Variants in TECRL observed in about 807,000 individuals in gnomAD.
TECRL encodes trans-2,3-enoyl-CoA reductase like.
Under a neutral mutation model 52.8 loss-of-function variants are expected in TECRL, and 63 were observed. That is an observed-to-expected ratio of 1.19 (90% CI 0.97 to 1.47). The LOEUF (loss-of-function observed/expected upper bound fraction) is 1.47. Among genes scored for constraint, TECRL ranks in the 40% most tolerant of loss-of-function variants. The pLI is 0.00. For synonymous variants in TECRL, 164 were observed against 141.9 expected, an observed-to-expected ratio of 1.16 and a Z score of -1.10; for missense variants, 482 against 429.6, an observed-to-expected ratio of 1.12 and a Z score of -1.08.
At chr4:64,290,131 TCA>T (rs1487254339) in intron 8 of TECRL, among the ~76,000 whole-genome samples, 1 of 152,210 alleles carries the variant, frequency 6.6e-6, no homozygotes, top group Non-Finnish European at 1.5e-5. Context: ...CGTATTAATC[TCA>T]GTTCATTAAC....
chr4:64,312,955 C>T (rs1473656423), intron 5 of TECRL, among the ~76,000 whole-genome samples: 2 of 152,122 alleles, frequency 1.3e-5, no homozygotes, highest in African/African-American at 4.8e-5. Context: ...CTTTCACTTA[C>T]GAAAATGTGA....
At chr4:64,404,680 A>T (rs1724591306) in intron 1 of TECRL, among the ~76,000 whole-genome samples, 1 of 152,076 alleles carries the variant, frequency 6.6e-6, no homozygotes, top group African/African-American at 2.4e-5. Context: ...CTATTAATGA[A>T]TTATACACTA....
chr4:64,295,796 A>C (rs538691375), intron 8 of TECRL, among the ~76,000 whole-genome samples: 1 of 151,970 alleles, frequency 6.6e-6, no homozygotes, highest in Non-Finnish European at 1.5e-5. Flanking sequence ...GTCGTAGCTC[A>C]AAATAGACAA....
intron 2 of TECRL, among the ~76,000 whole-genome samples, chr4:64,337,958 G>C (rs1370049852): frequency 6.6e-6 from 1 of 152,062 alleles, no homozygotes; most frequent in African/African-American, 2.4e-5. Context: ...AGCCAAAAAA[G>C]AACCCACATT....
At chr4:64,284,198 C>T (rs897642070) in intron 9 of TECRL, among the ~76,000 whole-genome samples, 7 of 152,030 alleles carry the variant, frequency 4.6e-5, no homozygotes, top group South Asian at 4.1e-4. Context: ...TGTACAAACA[C>T]ACTAATGATA....
intron 1 of TECRL, among the ~76,000 whole-genome samples, chr4:64,401,296 A>G (rs1249128197): frequency 6.6e-6 from 1 of 152,218 alleles, no homozygotes; most frequent in Non-Finnish European, 1.5e-5. Flanking sequence ...GTTTTGAAGT[A>G]TCACACCATG....
intron 7 of TECRL, among the ~76,000 whole-genome samples, chr4:64,304,626 C>G (rs921191536): frequency 2.0e-5 from 3 of 151,978 alleles, no homozygotes; most frequent in Non-Finnish European, 2.9e-5. Flanking sequence ...AATGAAATTC[C>G]TTGATCAGGG....
At chr4:64,351,146 GATGGGAAAGGGGC>G (rs925491133) in intron 2 of TECRL, among the ~76,000 whole-genome samples, 2 of 150,348 alleles carry the variant, frequency 1.3e-5, no homozygotes, top group African/African-American at 4.9e-5. Context: ...AGGGTGATTG[GATGGGAAAGGGGC>G]ATGAAGAGAG....
chr4:64,289,752 TC>T lies in TECRL; in HGVS notation c.789del (p.Asn264IlefsTer6). 1 of 1,549,212 alleles carries T rather than the reference TC, an allele frequency of 6.5e-7. No homozygotes were observed. The highest frequency in any genetic ancestry group is 1.3e-5 in the South Asian group (1 of 77,522). On this transcript the variant is annotated frameshift_variant, in exon 9 of 12. Coordinates refer to ENST00000381210, the MANE Select transcript of TECRL (RefSeq NM_001010874.5). LOFTEE classifies it high-confidence loss of function. ...GACAACATTACATTGATGAAATGAT[TC>T]CCAGCTTCACAAATCTGCAAAACAT... ...SAINFLICEA[G>X]NHFINVMLSH...
intron 2 of TECRL, among the ~76,000 whole-genome samples, chr4:64,360,925 G>A (rs1325841241): frequency 6.6e-6 from 1 of 152,176 alleles, no homozygotes; most frequent in African/African-American, 2.4e-5. Context: ...GTTTGGTGCA[G>A]GAACAGGCAC....
At chr4:64,366,099 T>C (rs1458447650) in intron 2 of TECRL, among the ~76,000 whole-genome samples, 1 of 152,024 alleles carries the variant, frequency 6.6e-6, no homozygotes, top group Non-Finnish European at 1.5e-5. Context: ...AATAATCTGA[T>C]CTTTGGCAAA....
chr4:64,333,591 C>T (rs551249470), intron 2 of TECRL, among the ~76,000 whole-genome samples: 4 of 152,026 alleles, frequency 2.6e-5, no homozygotes, highest in African/African-American at 4.8e-5. Flanking sequence ...ATATATACAA[C>T]CATAATGTAC....
intron 2 of TECRL, among the ~76,000 whole-genome samples, chr4:64,331,342 A>G (rs925653444): frequency 3.3e-5 from 5 of 152,150 alleles, no homozygotes; most frequent in South Asian, 2.1e-4. Context: ...GTTGTGTTCC[A>G]CTAATGGTGA....
chr4:64,311,454 A>C (rs1716994191), intron 5 of TECRL, among the ~76,000 whole-genome samples: 1 of 152,302 alleles, frequency 6.6e-6, no homozygotes, highest in South Asian at 2.1e-4. Context: ...GGAAATTGGT[A>C]TCTCTCCTCA....
intron 2 of TECRL, among the ~76,000 whole-genome samples, chr4:64,364,429 T>C (rs752862586): frequency 3.3e-5 from 5 of 151,424 alleles, no homozygotes; most frequent in East Asian, 1.9e-4. Flanking sequence ...CCGAATGAAA[T>C]TGATATGTTA....
chr4:64,330,005 GTACTATT>G (rs1223666771), intron 2 of TECRL, among the ~76,000 whole-genome samples: 2 of 151,510 alleles, frequency 1.3e-5, no homozygotes, highest in African/African-American at 4.8e-5. Context: ...CAGTAAAATA[GTACTATT>G]TTACTGTACT....
intron 11 of TECRL, among the ~76,000 whole-genome samples, chr4:64,280,512 A>G (rs2109921970): frequency 6.6e-6 from 1 of 152,268 alleles, no homozygotes; most frequent in East Asian, 1.9e-4. Context: ...TATGCATATA[A>G]TATTCCTCTA....
chr4:64,406,225 T>C (rs1480536125), intron 1 of TECRL, among the ~76,000 whole-genome samples: 2 of 151,816 alleles, frequency 1.3e-5, no homozygotes, highest in African/African-American at 4.8e-5. Flanking sequence ...ATATTTTCTT[T>C]CATCCTAGGA....
intron 5 of TECRL, among the ~76,000 whole-genome samples, chr4:64,312,135 A>G (rs1473798797): frequency 1.3e-5 from 2 of 152,206 alleles, no homozygotes; most frequent in African/African-American, 4.8e-5. Flanking sequence ...TCTGCCTTCT[A>G]CATGAACTTA....
Sources: gnomAD v4.1 joint callset for allele counts (sites outside exome capture counted in the v4.1 genomes callset) on GRCh38, gnomAD v4.1.1 for gene constraint, MANE v1.5 for transcripts, NCBI Gene and HGNC (gene_info 2026-07-23, HGNC 2026-07-21) for gene names.